The following RNGTT variants were observed in gnomAD, a reference collection of about 807,000 sequenced individuals.
The protein encoded by RNGTT is mRNA-capping enzyme.
In RNGTT, 33 loss-of-function variants were observed where a neutral mutation model predicts 79.3. The ratio of observed to expected loss-of-function variants is 0.42; its 90% CI spans 0.32 to 0.56. RNGTT has a LOEUF of 0.56. Ranked by LOEUF, RNGTT falls within the 20% of genes least tolerant of loss-of-function variation. The pLI, the probability that RNGTT is intolerant of heterozygous loss-of-function variation, is 0.17. For missense variants in RNGTT, 497 were observed against 739.1 expected (o/e 0.67, Z 3.80); for synonymous variants, 222 against 235.9 (o/e 0.94, Z 0.54).
At chr6:88,827,401 G>A (rs535612251) in intron 11 of RNGTT, among the ~76,000 whole-genome samples, 34 of 152,300 alleles carry the variant, frequency 2.2e-4, no homozygotes, top group East Asian at 1.5e-3. Context: ...CCTGCAGACC[G>A]GTAGATTCCC....
chr6:88,801,801 A>T (rs904940477), intron 11 of RNGTT, among the ~76,000 whole-genome samples, 169 bp from the exon 12 acceptor site: 2 of 149,254 alleles, frequency 1.3e-5, no homozygotes, highest in African/African-American at 5.0e-5. Flanking sequence ...ATACATCGTA[A>T]GATTTGAATA....
chr6:88,768,506 C>T (rs1252816571), intron 13 of RNGTT, among the ~76,000 whole-genome samples: 1 of 152,150 alleles, frequency 6.6e-6, no homozygotes, highest in Non-Finnish European at 1.5e-5. Flanking sequence ...TGCACAGTTT[C>T]CTTTCTTTGA....
chr6:88,623,156 CA>C lies in RNGTT; in HGVS notation c.1507-8762del, dbSNP rs1218715775. Among the ~76,000 whole-genome samples the C allele has an allele frequency of 2.6e-5, 4 of 151,738 alleles. No individual in the cohort carries two copies. The East Asian group carries it at 5.8e-4, about 22-fold the overall frequency. ...GTGGGAGTGCCAAGGGGAGGGGAGACACACACACTTAAGACAGTGATTAACA... is the reference window on the plus strand; with the variant it reads ...GTGGGAGTGCCAAGGGGAGGGGAGACCACACACTTAAGACAGTGATTAACA... On this transcript the variant is annotated intron_variant, in intron 14 of 15. Transcript: ENST00000369485.
At chr6:88,614,777 G>A (rs369254635) in intron 14 of RNGTT, among the ~76,000 whole-genome samples, 93 of 152,252 alleles carry the variant, frequency 6.1e-4, no homozygotes, top group African/African-American at 2.2e-3. Context: ...TTTCAGAAAG[G>A]TCTAACCATC....
chr6:88,723,829 A>G (rs1379965515), intron 13 of RNGTT, among the ~76,000 whole-genome samples: 1 of 152,010 alleles, frequency 6.6e-6, no homozygotes, highest in African/African-American at 2.4e-5. Context: ...GGTTCAAGCG[A>G]TTCTCCTGCC....
chr6:88,651,257 TATA>T (rs1323864143), intron 14 of RNGTT, among the ~76,000 whole-genome samples: 4 of 152,256 alleles, frequency 2.6e-5, no homozygotes, highest in African/African-American at 9.6e-5. Flanking sequence ...GTTCAAGAAC[TATA>T]ATAATATACT....
intron 14 of RNGTT, among the ~76,000 whole-genome samples, chr6:88,652,533 T>G (rs1773834893): frequency 1.3e-5 from 2 of 152,186 alleles, no homozygotes; most frequent in South Asian, 4.1e-4. Flanking sequence ...AATGACAAGA[T>G]GTCACTTACA....
intron 2 of RNGTT, among the ~76,000 whole-genome samples, chr6:88,937,839 C>A (rs757587664): frequency 4.7e-4 from 71 of 152,280 alleles, no homozygotes; most frequent in African/African-American, 1.5e-3. Flanking sequence ...TGTATTTGTA[C>A]AATTTCCAAA....
intron 6 of RNGTT, among the ~76,000 whole-genome samples, chr6:88,893,543 A>C (rs1486662414): frequency 6.6e-6 from 1 of 152,194 alleles, no homozygotes; most frequent in African/African-American, 2.4e-5. Flanking sequence ...ACTTTCCCAC[A>C]ATATTACCAC....
At chr6:88,682,669 T>C (rs758709689) in intron 13 of RNGTT, among the ~76,000 whole-genome samples, 56 of 152,192 alleles carry the variant, frequency 3.7e-4, no homozygotes, top group Non-Finnish European at 6.8e-4. Context: ...TGTGCCATGA[T>C]GGTGTGCTGC....
At chr6:88,819,001 A>G (rs1780416255) in intron 11 of RNGTT, among the ~76,000 whole-genome samples, 1 of 152,194 alleles carries the variant, frequency 6.6e-6, no homozygotes, top group East Asian at 1.9e-4. Context: ...AAATAATAAT[A>G]CTAGTCCTTT....
chr6:88,796,405 T>C (rs1224927084), intron 12 of RNGTT, among the ~76,000 whole-genome samples: 1 of 152,066 alleles, frequency 6.6e-6, no homozygotes, highest in Non-Finnish European at 1.5e-5. Flanking sequence ...CAAAGAGCAG[T>C]TAAGAAGCTA....
intron 8 of RNGTT, among the ~76,000 whole-genome samples, chr6:88,879,935 T>C (rs1216257630): frequency 2.0e-5 from 3 of 152,208 alleles, no homozygotes. Flanking sequence ...GTTATTGAAA[T>C]ACATCATTTG....
rs1336683772 is a variant in RNGTT at position 88,611,192 on chromosome 6, A to C, written c.*1527T>G. ...TCATATAGAAAAGCACTGCAGGAGA[A>C]AACTTTGTTTAAAAACATTAAAACT... On this transcript the variant is annotated 3_prime_UTR_variant, in exon 16 of 16. Coordinates refer to ENST00000369485, the MANE Select transcript of RNGTT (RefSeq NM_003800.5). 6.6e-6 allele frequency: 1 copy of C among 152,582 alleles called. No homozygotes were observed. Among genetic ancestry groups the C allele is most frequent in the Non-Finnish European group, 1.5e-5 (1 of 68,048 alleles). The allele number at this position is 152,582 out of a possible 1,614,324, so 9.5% of individuals were successfully genotyped here.
chr6:88,961,424 C>T (rs889530182), intron 1 of RNGTT, among the ~76,000 whole-genome samples: 11 of 151,658 alleles, frequency 7.3e-5, no homozygotes, highest in Non-Finnish European at 1.2e-4. Flanking sequence ...ATAAATTACA[C>T]GATAAGTACA....
chr6:88,928,928 C>T lies in RNGTT; in HGVS notation c.367+57G>A, dbSNP rs1003226647. 54 of 1,328,282 alleles carry T rather than the reference C, an allele frequency of 4.1e-5. 1 individual carries two copies. The Middle Eastern group carries it at 2.2e-3, about 55-fold the overall frequency. The allele number at this position is 1,328,282 out of a possible 1,614,324, so 82.3% of individuals were successfully genotyped here. ...ATCAACTTATTTGCAAACAAGAAAA[C>T]AGAAACCTAACTGCAAAATAAAATA... On this transcript the variant is annotated intron_variant, in intron 4 of 15. Transcript: ENST00000369485.
chr6:88,747,497 T>C (rs534168429), intron 13 of RNGTT, among the ~76,000 whole-genome samples: 44 of 152,112 alleles, frequency 2.9e-4, no homozygotes, highest in Non-Finnish European at 5.6e-4. Flanking sequence ...AGCGAGGGAG[T>C]AAAGATCCTG....
intron 14 of RNGTT, among the ~76,000 whole-genome samples, chr6:88,638,813 T>C (rs1773200925): frequency 6.6e-6 from 1 of 152,158 alleles, no homozygotes; most frequent in African/African-American, 2.4e-5. Context: ...ATATACACTT[T>C]CCTCAAAAAC....
intron 2 of RNGTT, among the ~76,000 whole-genome samples, chr6:88,939,819 C>A (rs935055564): frequency 1.3e-5 from 2 of 151,404 alleles, no homozygotes; most frequent in Non-Finnish European, 1.5e-5. Flanking sequence ...AGTGGGTAAT[C>A]ATGGCTCACT....
Sources: allele counts gnomAD v4.1 joint callset (sites outside exome capture counted in the v4.1 genomes callset), GRCh38; gene constraint gnomAD v4.1.1; transcripts MANE v1.5; gene names NCBI Gene and HGNC (gene_info 2026-07-23, HGNC 2026-07-21).